Variants in CNBD1 observed in about 807,000 individuals in gnomAD.
The protein encoded by CNBD1 is cyclic nucleotide-binding domain-containing protein 1.
In CNBD1, 71 loss-of-function variants were observed where a neutral mutation model predicts 54.4. That is an observed-to-expected ratio of 1.30 (90% CI 1.08 to 1.59). The LOEUF (loss-of-function observed/expected upper bound fraction) is 1.59, where lower values mean the gene tolerates loss of function less well. Ranked by LOEUF, CNBD1 falls within the 40% of genes most tolerant of loss-of-function variation. The pLI is 0.00. For missense variants in CNBD1, 659 were observed against 518.0 expected (o/e 1.27, Z -2.64); for synonymous variants, 182 against 170.7 (o/e 1.07, Z -0.51).
At chr8:87,389,330 A>G (rs1811259406) in intron 2 of CNBD1, among the ~76,000 whole-genome samples, 1 of 152,232 alleles carries the variant, frequency 6.6e-6, no homozygotes, top group African/African-American at 2.4e-5. Flanking sequence ...TGCAGATGAC[A>G]TGATTGTGTA....
chr8:87,300,320 A>T (rs1257140736), intron 8 of CNBD1, among the ~76,000 whole-genome samples: 3 of 152,182 alleles, frequency 2.0e-5, no homozygotes, highest in Non-Finnish European at 4.4e-5. Context: ...AATGACAATG[A>T]ATTATATCTC....
At chr8:87,202,692 C>T (rs1813888859) in intron 4 of CNBD1, among the ~76,000 whole-genome samples, 1 of 152,066 alleles carries the variant, frequency 6.6e-6, no homozygotes, top group Non-Finnish European at 1.5e-5. Flanking sequence ...GGGGTGAGGT[C>T]TGGGGCAAGG....
rs116018911 is a variant in CNBD1 at position 86,952,330 on chromosome 8, C to T, written c.431+12576C>T. Among the ~76,000 whole-genome samples the T allele has an allele frequency of 4.0e-3, 607 of 152,152 alleles. 1 individual carries two copies. Among genetic ancestry groups the T allele is most frequent in the African/African-American group, 0.014 (562 of 41,494 alleles). On this transcript the variant is annotated intron_variant, in intron 4 of 10. Transcript: ENST00000518476. The stretch of plus-strand genomic sequence containing the variant: ...TGACTGAGACCTGTCTCAGTTATTT[C>T]GGGTTCACAGTGTGAATTATCTGAT...
intron 4 of CNBD1, among the ~76,000 whole-genome samples, chr8:87,107,080 G>A (rs574008942): frequency 2.0e-5 from 3 of 152,054 alleles, no homozygotes; most frequent in East Asian, 1.9e-4. Flanking sequence ...CACCTGCCTC[G>A]GCCTCCCAAA....
rs151093064 is a variant in CNBD1, at chr8:86,879,154, T to C, written c.89-8388T>C. 3.4e-4 allele frequency among the ~76,000 whole-genome samples: 52 copies of C among 152,284 alleles called. 1 individual carries two copies. Among genetic ancestry groups the C allele is most frequent in the African/African-American group, 1.2e-3 (50 of 41,576 alleles). ...TGATTTGATTTTCATTGCATACAACTGATTCTCACCTGACAAATTAGAGTC... is the reference window on the plus strand; with the variant it reads ...TGATTTGATTTTCATTGCATACAACCGATTCTCACCTGACAAATTAGAGTC... On this transcript the variant is annotated intron_variant, in intron 1 of 10. Coordinates refer to ENST00000518476, the MANE Select transcript of CNBD1 (RefSeq NM_173538.3).
chr8:87,340,773 T>G lies in CNBD1; in HGVS notation c.1043-10912T>G, dbSNP rs1810049151. Among the ~76,000 whole-genome samples the G allele has an allele frequency of 3.3e-5, 5 of 152,252 alleles. No homozygotes were observed. The South Asian group carries it at 1.0e-3, about 32-fold the overall frequency. On this transcript the variant is annotated intron_variant, in intron 8 of 10. Transcript: ENST00000518476. The stretch of plus-strand genomic sequence containing the variant: ...CTGAGTTGTAACATTTGATTCTTTT[T>G]TATATTTTCTCTTTATCAAAATTTT...
At chr8:87,013,943 A>C (rs1444185996) in intron 4 of CNBD1, among the ~76,000 whole-genome samples, 2 of 151,864 alleles carry the variant, frequency 1.3e-5, no homozygotes, top group African/African-American at 4.8e-5. Context: ...AGGGTGATGC[A>C]ACATATTATC....
chr8:86,975,310 A>G (rs1392105373), intron 4 of CNBD1, among the ~76,000 whole-genome samples: 8 of 152,002 alleles, frequency 5.3e-5, no homozygotes, highest in African/African-American at 1.9e-4. Context: ...TAACTGTGCA[A>G]TAGACAACCA....
intron 2 of CNBD1, among the ~76,000 whole-genome samples, chr8:87,391,742 G>C (rs1318873758): frequency 6.6e-6 from 1 of 152,050 alleles, no homozygotes; most frequent in African/African-American, 2.4e-5. Flanking sequence ...ACAACTCTTA[G>C]AAGAAAATTT....
At chr8:87,232,899 A>G (rs1807473445) in intron 5 of CNBD1, among the ~76,000 whole-genome samples, 1 of 152,142 alleles carries the variant, frequency 6.6e-6, no homozygotes, top group Non-Finnish European at 1.5e-5. Context: ...TTCCGAAGTA[A>G]TAGTATGTAA....
chr8:87,369,781 T>C (rs528044892), intron 10 of CNBD1, among the ~76,000 whole-genome samples: 2 of 152,122 alleles, frequency 1.3e-5, no homozygotes, highest in African/African-American at 4.8e-5. Context: ...AATGTGCCGG[T>C]TAGTTACATA....
chr8:87,089,609 A>C (rs1029585032), intron 4 of CNBD1, among the ~76,000 whole-genome samples: 1 of 152,096 alleles, frequency 6.6e-6, no homozygotes, highest in Non-Finnish European at 1.5e-5. Flanking sequence ...CAAGATATTG[A>C]GTTAGTGATT....
intron 2 of CNBD1, among the ~76,000 whole-genome samples, chr8:87,410,527 G>A (rs1807724210): frequency 1.3e-5 from 2 of 152,050 alleles, no homozygotes; most frequent in Non-Finnish European, 2.9e-5. Flanking sequence ...CAAAGAAAGT[G>A]GTTTCTTGAG....
At position 87,156,943 on chromosome 8, in the gene CNBD1, C is replaced by A. The variant is rs183383443; in HGVS notation, c.432-49050C>A. Among the ~76,000 whole-genome samples, 3 of 152,226 alleles carry A rather than the reference C, an allele frequency of 2.0e-5. No homozygotes were observed. The East Asian group carries it at 5.8e-4, about 29-fold the overall frequency. ...CCTAGAATTTGATGAAAATCACCTA[C>A]CTGAGAGTCAGATTGATTATTAAAT... On this transcript the variant is annotated intron_variant, in intron 4 of 10. Coordinates refer to ENST00000518476, the MANE Select transcript of CNBD1 (RefSeq NM_173538.3).
intron 4 of CNBD1, among the ~76,000 whole-genome samples, chr8:86,950,696 A>C (rs1304881622): frequency 6.6e-6 from 1 of 152,038 alleles, no homozygotes; most frequent in African/African-American, 2.4e-5. Flanking sequence ...CCTGTTTTTC[A>C]GAATAGTTTG....
chr8:86,901,069 A>G (rs974153833), intron 2 of CNBD1, among the ~76,000 whole-genome samples: 1 of 152,200 alleles, frequency 6.6e-6, no homozygotes, highest in Non-Finnish European at 1.5e-5. Flanking sequence ...AAGAGACTGA[A>G]TAGCATGAAA....
chr8:87,199,576 A>G (rs1813808438), intron 4 of CNBD1, among the ~76,000 whole-genome samples: 1 of 152,212 alleles, frequency 6.6e-6, no homozygotes, highest in Non-Finnish European at 1.5e-5. Flanking sequence ...GCCAATGTTT[A>G]AAGTACACAA....
At chr8:87,314,535 A>G (rs1319438957) in intron 8 of CNBD1, among the ~76,000 whole-genome samples, 3 of 151,962 alleles carry the variant, frequency 2.0e-5, no homozygotes, top group South Asian at 4.1e-4. Context: ...AACCATTGCC[A>G]TGAAAGTGAT....
chr8:86,912,424 C>G (rs1311297398), intron 3 of CNBD1, among the ~76,000 whole-genome samples: 1 of 152,138 alleles, frequency 6.6e-6, no homozygotes, highest in Non-Finnish European at 1.5e-5. Context: ...AACAGTGGAT[C>G]ACATATACCA....
Sources: gnomAD v4.1 joint callset for allele counts (sites outside exome capture counted in the v4.1 genomes callset) on GRCh38, gnomAD v4.1.1 for gene constraint, MANE v1.5 for transcripts, NCBI Gene and HGNC (gene_info 2026-07-23, HGNC 2026-07-21) for gene names.